WDPCP: variants seen among roughly 807,000 people sequenced by gnomAD.
WDPCP encodes the protein WD repeat-containing and planar cell polarity effector protein fritz homolog.
A neutral mutation model predicts 93.1 loss-of-function variants in WDPCP; 71 were observed. That is an observed-to-expected ratio of 0.76 (90% CI 0.63 to 0.93). The LOEUF (loss-of-function observed/expected upper bound fraction) is 0.93, where lower values mean the gene tolerates loss of function less well. WDPCP is among the 40% of genes least tolerant of loss of function. The pLI, the probability that WDPCP is intolerant of heterozygous loss-of-function variation, is 0.00. For synonymous variants in WDPCP, 315 were observed against 315.0 expected (o/e 1.00, Z 0.00); for missense variants, 844 against 887.4 (o/e 0.95, Z 0.62).
chr2:63,697,121 G>C (rs1343762208), intron 2 of WDPCP, among the ~76,000 whole-genome samples: 1 of 138,128 alleles, frequency 7.2e-6, no homozygotes, highest in African/African-American at 2.8e-5. Context: ...TGTAGTAGTA[G>C]TTATAGTAGC....
At chr2:63,415,681 A>C (rs1695365061) in intron 9 of WDPCP, among the ~76,000 whole-genome samples, 1 of 152,222 alleles carries the variant, frequency 6.6e-6, no homozygotes, top group African/African-American at 2.4e-5. Flanking sequence ...GTAACTAATA[A>C]GTTTACATGA....
chr2:63,144,826 G>A (rs1355513941), intron 17 of WDPCP, among the ~76,000 whole-genome samples: 1 of 152,144 alleles, frequency 6.6e-6, no homozygotes, highest in Non-Finnish European at 1.5e-5. Flanking sequence ...GGGTGTTGAA[G>A]AGCCTTGTTT....
chr2:63,669,702 TA>T (rs1418927036), intron 2 of WDPCP, among the ~76,000 whole-genome samples: 1 of 152,206 alleles, frequency 6.6e-6, no homozygotes. Context: ...TAGATACATT[TA>T]AAAAGCTCTT....
At position 63,655,388 on chromosome 2, in the gene WDPCP, T is replaced by C. The variant is rs1575739869; in HGVS notation, n.309-4550A>G. 2.0e-5 allele frequency among the ~76,000 whole-genome samples: 3 copies of C among 152,014 alleles called. No homozygotes were observed. The East Asian group carries it at 5.8e-4, about 29-fold the overall frequency. On this transcript the variant is annotated intron_variant and non_coding_transcript_variant, in intron 2 of 4. Coordinates refer to the WDPCP transcript ENST00000467687. ...AATTCTAGTATTACAAACACATATA[T>C]ACATGCTACATATGTGTATATATAT... is the stretch of plus-strand genomic sequence containing the variant.
intron 14 of WDPCP, among the ~76,000 whole-genome samples, chr2:63,199,422 G>A (rs1156956433): frequency 2.0e-5 from 3 of 152,192 alleles, no homozygotes; most frequent in East Asian, 1.9e-4. Flanking sequence ...GGCAAGGCCC[G>A]GGGCCCTGCT....
At chr2:63,302,293 G>T (rs1575096808) in intron 13 of WDPCP, among the ~76,000 whole-genome samples, 1 of 152,164 alleles carries the variant, frequency 6.6e-6, no homozygotes, top group African/African-American at 2.4e-5. Flanking sequence ...TATCAAAGAT[G>T]AGCAATATGT....
intron 8 of WDPCP, among the ~76,000 whole-genome samples, chr2:63,435,833 C>A (rs995650603): frequency 7.2e-5 from 11 of 152,094 alleles, no homozygotes; most frequent in African/African-American, 2.7e-4. Context: ...GATTACTTCT[C>A]TAATGTATAG....
At chr2:63,683,461 T>C (rs1228546832) in intron 2 of WDPCP, among the ~76,000 whole-genome samples, 1 of 152,172 alleles carries the variant, frequency 6.6e-6, no homozygotes, top group African/African-American at 2.4e-5. Context: ...AGACAAAATG[T>C]CATATTTAAA....
At chr2:63,692,436 G>A (rs933541312) in intron 2 of WDPCP, among the ~76,000 whole-genome samples, 1 of 152,254 alleles carries the variant, frequency 6.6e-6, no homozygotes, top group East Asian at 1.9e-4. Context: ...TCATCATGAA[G>A]TTATTACTGT....
intron 1 of WDPCP, among the ~76,000 whole-genome samples, chr2:63,823,366 C>T (rs1018627784): frequency 1.3e-5 from 2 of 151,976 alleles, no homozygotes; most frequent in South Asian, 4.1e-4. Flanking sequence ...ATTAGCCAAG[C>T]GTGGTTGCAC....
chr2:63,234,233 G>A (rs1035541484), intron 14 of WDPCP, among the ~76,000 whole-genome samples: 3 of 152,092 alleles, frequency 2.0e-5, no homozygotes, highest in Non-Finnish European at 4.4e-5. Flanking sequence ...GAGTTTCATC[G>A]AAAAGAATAA....
At chr2:63,688,455 C>G (rs1483051494) in intron 2 of WDPCP, among the ~76,000 whole-genome samples, 1 of 151,046 alleles carries the variant, frequency 6.6e-6, no homozygotes, top group African/African-American at 2.4e-5. Context: ...AACGATTGAA[C>G]TCATGGAGAT....
intron 10 of WDPCP, among the ~76,000 whole-genome samples, chr2:63,385,770 T>A (rs997408105): frequency 6.6e-6 from 1 of 151,732 alleles, no homozygotes; most frequent in African/African-American, 2.4e-5. Context: ...TATATAGACA[T>A]GGAAAGGATC....
intron 7 of WDPCP, chr2:63,437,825 A>G: frequency 6.3e-7 from 1 of 1,576,408 alleles, no homozygotes; most frequent in Non-Finnish European, 8.6e-7. Context: ...ATTTAGAAAC[A>G]GGGCTATAAA....
intron 13 of WDPCP, among the ~76,000 whole-genome samples, chr2:63,288,466 A>G (rs1684171667): frequency 6.6e-6 from 1 of 152,242 alleles, no homozygotes. Flanking sequence ...TATTGAGAGA[A>G]TGCATGTAAT....
chr2:63,139,990 T>A (rs566945139), intron 17 of WDPCP, among the ~76,000 whole-genome samples: 1 of 152,246 alleles, frequency 6.6e-6, no homozygotes, highest in Non-Finnish European at 1.5e-5. Flanking sequence ...GATTTTTGTA[T>A]AAGGTGAGAG....
chr2:63,702,228 G>A (rs1669065022), intron 2 of WDPCP, among the ~76,000 whole-genome samples: 1 of 152,076 alleles, frequency 6.6e-6, no homozygotes, highest in African/African-American at 2.4e-5. Flanking sequence ...GTTTCACCAT[G>A]TTGGCCAGGC....
chr2:63,739,297 G>A (rs528434171), intron 2 of WDPCP, among the ~76,000 whole-genome samples: 12 of 152,038 alleles, frequency 7.9e-5, no homozygotes, highest in Non-Finnish European at 1.3e-4. Context: ...CTGTTCCTGC[G>A]TTAGTTTGCT....
intron 13 of WDPCP, among the ~76,000 whole-genome samples, chr2:63,282,454 G>A (rs909329442): frequency 2.6e-5 from 4 of 152,256 alleles, no homozygotes; most frequent in South Asian, 4.1e-4. Context: ...GCAGTGAGCC[G>A]AGATCGCGCC....
Sources: allele counts gnomAD v4.1 joint callset (sites outside exome capture counted in the v4.1 genomes callset), GRCh38; gene constraint gnomAD v4.1.1; transcripts MANE v1.5; gene names NCBI Gene and HGNC (gene_info 2026-07-23, HGNC 2026-07-21).